VPS35: variants seen among roughly 807,000 people sequenced by gnomAD.
The protein encoded by VPS35 is vacuolar protein sorting-associated protein 35.
In VPS35, 21 loss-of-function variants were observed where a neutral mutation model predicts 98.1. The ratio of observed to expected loss-of-function variants is 0.21; its 90% CI spans 0.15 to 0.31. The LOEUF is 0.31. Ranked by LOEUF, VPS35 falls within the 10% of genes least tolerant of loss-of-function variation. VPS35 has a pLI of 1.00. For synonymous variants in VPS35, 268 were observed against 318.2 expected (o/e 0.84, Z 1.68); for missense variants, 554 against 950.8 (o/e 0.58, Z 5.49).
chr16:46,660,285 C>G lies in VPS35; in HGVS notation c.*187G>C, dbSNP rs1965891883. The G allele has an allele frequency of 2.1e-6, 1 of 475,610 alleles. No individual in the cohort carries two copies. The highest frequency in any genetic ancestry group is 2.1e-5 in the African/African-American group (1 of 47,772). The allele number at this position is 475,610 out of a possible 1,614,324, so 29.5% of individuals were successfully genotyped here. A position where few individuals can be genotyped will look rare whatever the true frequency, so the allele number is the denominator to read the frequency against. ...TGATCAGAAAGACTTGAACACTTAC[C>G]AAGTGAATAATTTTATTAAGGTCCT... On this transcript the variant is annotated 3_prime_UTR_variant, in exon 17 of 17. Coordinates refer to ENST00000299138, the MANE Select transcript of VPS35 (RefSeq NM_018206.6).
rs543764837 is a variant in VPS35 at position 46,689,074 on chromosome 16, G to A, written c.3+57C>T. On this transcript the variant is annotated intron_variant, in intron 1 of 16. Coordinates refer to ENST00000299138, the MANE Select transcript of VPS35 (RefSeq NM_018206.6). The stretch of plus-strand genomic sequence containing the variant: ...CTCGCTGGAGTGCGGGGCGGTGGGA[G>A]AGAGCAGGGGCTACAAGGAGGGTCG... 4.9e-5 allele frequency: 78 copies of A among 1,592,616 alleles called. No individual in the cohort carries two copies. The Admixed American group carries it at 1.1e-3, about 23-fold the overall frequency.
rs985929003 is a variant in VPS35, at chr16:46,674,784, TTTTTG to T, written c.915-129_915-125del. The T allele has an allele frequency of 1.7e-4, 168 of 1,017,064 alleles. No individual in the cohort carries two copies. In the African/African-American group the frequency reaches 1.7e-3, roughly 10 times the overall value. The allele number at this position is 1,017,064 out of a possible 1,614,324, so 63.0% of individuals were successfully genotyped here. ...GTATGAGCCCAAAAGGTTTTTGTTT[TTTTTG>T]TTTTGTTTTGTTTTGTTTTGAGACA... On this transcript the variant is annotated intron_variant, in intron 8 of 16. Transcript: ENST00000299138.
chr16:46,666,895 T>A (rs189658161), intron 13 of VPS35, among the ~76,000 whole-genome samples: 1 of 152,214 alleles, frequency 6.6e-6, no homozygotes, highest in South Asian at 2.1e-4. Flanking sequence ...TGTTTCCATA[T>A]CTCAGCCATT....
chr16:46,666,332 G>A (rs1394664386), intron 13 of VPS35, among the ~76,000 whole-genome samples: 13 of 148,350 alleles, frequency 8.8e-5, no homozygotes, highest in East Asian at 2.0e-4. Context: ...GCAATGGCAC[G>A]ATCTCGGCTC....
At position 46,680,713 on chromosome 16, in the gene VPS35, T is replaced by C. The variant is rs1483697699; in HGVS notation, c.464A>G (p.Gln155Arg). Residue 155 changes from glutamine to arginine, a missense_variant, in exon 5 of 17, where the codon CAG becomes CGG. Gln to Arg is a conservative substitution (Grantham distance 43). This residue lies in a region of VPS35 where 77 missense variants were observed against 222.3 expected (regional missense o/e 0.35). Transcript: ENST00000299138. ...RGLFLRNYLL[Q>R]CTRNILPDEG... ...ATCAGGTAAGATATTTCTGGTACACTGAAGAAGGTAATTTCGAAGAAACAG... is the reference window on the plus strand; with the variant it reads ...ATCAGGTAAGATATTTCTGGTACACCGAAGAAGGTAATTTCGAAGAAACAG... 6.2e-7 allele frequency: 1 copy of C among 1,613,880 alleles called. No homozygotes were observed. The highest frequency in any genetic ancestry group is 1.3e-5 in the African/African-American group (1 of 74,916).
At chr16:46,667,788 T>C (rs1036501077) in intron 13 of VPS35, among the ~76,000 whole-genome samples, 15 of 152,192 alleles carry the variant, frequency 9.9e-5, no homozygotes, top group Admixed American at 6.5e-4. Context: ...TCTTTTCCCC[T>C]TTGTGTATTC....
At chr16:46,660,852 A>C in intron 16 of VPS35, 1 of 617,962 alleles carries the variant, frequency 1.6e-6, no homozygotes, top group Non-Finnish European at 2.9e-6. Context: ...ACCCTTTAAA[A>C]CAAGCAAAAT....
At chr16:46,660,721 C>T in intron 16 of VPS35, 70 bp from the exon 17 acceptor site, 3 of 1,247,566 alleles carry the variant, frequency 2.4e-6, no homozygotes, top group Non-Finnish European at 3.3e-6. Context: ...TTTAATAAAA[C>T]TGTTTTGAGG....
At chr16:46,666,067 C>T (rs930775818) in intron 13 of VPS35, among the ~76,000 whole-genome samples, 6 of 151,712 alleles carry the variant, frequency 4.0e-5, no homozygotes, top group Non-Finnish European at 8.8e-5. Flanking sequence ...TCACACCTGG[C>T]TAATTTTTGT....
intron 6 of VPS35, among the ~76,000 whole-genome samples, chr16:46,678,073 G>A (rs1966177702): frequency 6.6e-6 from 1 of 152,122 alleles, no homozygotes; most frequent in Admixed American, 6.5e-5. Context: ...AAATATCTGG[G>A]TCTATTATGG....
chr16:46,680,357 C>A (rs932606759), intron 5 of VPS35, among the ~76,000 whole-genome samples: 1 of 152,172 alleles, frequency 6.6e-6, no homozygotes, highest in Non-Finnish European at 1.5e-5. Context: ...ATTACAAATT[C>A]AATTTCCAAA....
Position 46,663,165 on chromosome 16 carries a change from A to G in VPS35, c.1648-3T>C. 6.2e-7 allele frequency: 1 copy of G among 1,611,970 alleles called. No homozygotes were observed. The highest frequency in any genetic ancestry group is 8.5e-7 in the Non-Finnish European group (1 of 1,178,630). On this transcript the variant is annotated splice_polypyrimidine_tract_variant and splice_region_variant and intron_variant, in intron 13 of 16. Coordinates refer to ENST00000299138, the MANE Select transcript of VPS35 (RefSeq NM_018206.6). ...CATTTCTTTTCCCATTTGTCATCCTAAAACAAGAAAAAACATTTTAAGTTA... is the reference window on the plus strand; with the variant it reads ...CATTTCTTTTCCCATTTGTCATCCTGAAACAAGAAAAAACATTTTAAGTTA...
intron 2 of VPS35, chr16:46,682,497 C>T (rs2143008948): frequency 3.3e-6 from 1 of 303,606 alleles, no homozygotes; most frequent in Middle Eastern, 1.2e-3. Context: ...AGAGAACTGG[C>T]ATACTGATTC....
chr16:46,666,859 A>G (rs966572548), intron 13 of VPS35, among the ~76,000 whole-genome samples: 2 of 152,154 alleles, frequency 1.3e-5, no homozygotes, highest in Non-Finnish European at 2.9e-5. Flanking sequence ...CAATTTCTTT[A>G]CTCATCTATC....
intron 1 of VPS35, 32 bp downstream of exon 1, chr16:46,689,098 CG>C: frequency 6.2e-7 from 1 of 1,605,148 alleles, no homozygotes; most frequent in South Asian, 1.1e-5. Context: ...CAAGGAGGGT[CG>C]ACCCAGGTGC....
At chr16:46,667,667 C>A (rs1479964474) in intron 13 of VPS35, among the ~76,000 whole-genome samples, 3 of 152,064 alleles carry the variant, frequency 2.0e-5, no homozygotes, top group African/African-American at 7.2e-5. Context: ...GGTTTCAGGT[C>A]TTTAATCCAT....
rs1022646050 is a variant in VPS35 at position 46,658,993 on chromosome 16, T to A, written c.*1479A>T. On this transcript the variant is annotated 3_prime_UTR_variant, in exon 17 of 17. Transcript: ENST00000299138. ...TTACAGAATAAGGCAAAAATGAGCA[T>A]GTCACTTCCACAGGGAGGCCACTGA... 6.6e-6 allele frequency: 1 copy of A among 152,326 alleles called. No homozygotes were observed. Among genetic ancestry groups the A allele is most frequent in the African/African-American group, 2.4e-5 (1 of 41,484 alleles). 9.4% of individuals were successfully genotyped at this position (152,326 alleles called of 1,614,324 possible).
chr16:46,686,421 G>A (rs1966316146), intron 1 of VPS35, among the ~76,000 whole-genome samples: 1 of 152,234 alleles, frequency 6.6e-6, no homozygotes, highest in East Asian at 1.9e-4. Context: ...GAAAGATTTA[G>A]AGATGTGTAA....
At chr16:46,666,232 TATAG>T (rs2143006497) in intron 13 of VPS35, among the ~76,000 whole-genome samples, 1 of 151,942 alleles carries the variant, frequency 6.6e-6, no homozygotes, top group East Asian at 1.9e-4. Context: ...TAGCTAGGAC[TATAG>T]GCATGTACCA....
Sources: allele counts gnomAD v4.1 joint callset (sites outside exome capture counted in the v4.1 genomes callset), GRCh38; gene constraint gnomAD v4.1.1; regional missense constraint gnomAD v4.1.1; transcripts MANE v1.5; gene names NCBI Gene and HGNC (gene_info 2026-07-23, HGNC 2026-07-21).